The following SLC9A9 variants were observed in gnomAD, a reference collection of about 807,000 sequenced individuals.
SLC9A9 encodes the protein solute carrier family 9 member A9.
Under a neutral mutation model 77.8 loss-of-function variants are expected in SLC9A9, and 62 were observed. The ratio of observed to expected loss-of-function variants is 0.80; its 90% CI spans 0.65 to 0.98. SLC9A9 has a LOEUF of 0.98. SLC9A9 is among the 50% of genes least tolerant of loss of function. SLC9A9 has a pLI of 0.00. For synonymous variants in SLC9A9, 320 were observed against 283.5 expected (o/e 1.13, Z -1.29); for missense variants, 775 against 774.9 (o/e 1.00, Z 0.00).
chr3:143,844,575 A>G (rs540680436), intron 1 of SLC9A9, among the ~76,000 whole-genome samples: 2 of 152,356 alleles, frequency 1.3e-5, no homozygotes, highest in South Asian at 4.1e-4. Context: ...GATAAGCATT[A>G]GGTGCAGGTC....
At chr3:143,573,238 A>C (rs941962731) in intron 8 of SLC9A9, among the ~76,000 whole-genome samples, 2 of 152,204 alleles carry the variant, frequency 1.3e-5, no homozygotes, top group African/African-American at 2.4e-5. Context: ...CGAGGGAGGT[A>C]TACCTTGCTA....
intron 12 of SLC9A9, among the ~76,000 whole-genome samples, chr3:143,434,230 T>C (rs2034579046): frequency 6.6e-6 from 1 of 152,246 alleles, no homozygotes; most frequent in Admixed American, 6.5e-5. Flanking sequence ...CAGTTCTGTC[T>C]GCAAATATAT....
At chr3:143,559,497 C>T (rs969873319) in intron 8 of SLC9A9, among the ~76,000 whole-genome samples, 5 of 151,850 alleles carry the variant, frequency 3.3e-5, no homozygotes, top group African/African-American at 7.3e-5. Flanking sequence ...ATTCTGAAGG[C>T]CTGTCATTTT....
intron 12 of SLC9A9, among the ~76,000 whole-genome samples, chr3:143,450,069 TATATA>T (rs2034974642): frequency 9.9e-6 from 1 of 100,608 alleles, no homozygotes; most frequent in Non-Finnish European, 1.9e-5. Context: ...ATAATATGTA[TATATA>T]ATATAACATA....
rs753240362 is a variant in SLC9A9 at position 143,374,737 on chromosome 3, TG to T, written c.1524+7322del. On this transcript the variant is annotated intron_variant, in intron 13 of 15. Coordinates refer to ENST00000316549, the MANE Select transcript of SLC9A9 (RefSeq NM_173653.4). ...TGTGAAATAAGCACATTATGGAAAA[TG>T]GGGTATCCATCCTCTTACATTTATC... Among the ~76,000 whole-genome samples, 16 of 152,228 alleles carry T rather than the reference TG, an allele frequency of 1.1e-4. No individual in the cohort carries two copies. In the East Asian group the frequency reaches 1.7e-3, roughly 17 times the overall value.
At chr3:143,515,169 A>G (rs1367805204) in intron 9 of SLC9A9, among the ~76,000 whole-genome samples, 6 of 152,226 alleles carry the variant, frequency 3.9e-5, no homozygotes. Flanking sequence ...TGGTGGAGCA[A>G]TCAAAACACA....
chr3:143,288,272 C>A (rs369939863), intron 14 of SLC9A9, among the ~76,000 whole-genome samples: 6 of 148,878 alleles, frequency 4.0e-5, no homozygotes, highest in Middle Eastern at 3.5e-3. Flanking sequence ...AAAAAAAAAA[C>A]AAAACAAAAC....
At chr3:143,302,685 C>T (rs1198380050) in intron 14 of SLC9A9, among the ~76,000 whole-genome samples, 1 of 152,108 alleles carries the variant, frequency 6.6e-6, no homozygotes, top group Non-Finnish European at 1.5e-5. Flanking sequence ...AAGGACAGAT[C>T]CTCCAACCAG....
At chr3:143,545,596 A>T (rs1394493616) in intron 9 of SLC9A9, among the ~76,000 whole-genome samples, 1 of 152,188 alleles carries the variant, frequency 6.6e-6, no homozygotes, top group Non-Finnish European at 1.5e-5. Context: ...TGAGATGCTG[A>T]GTTGTAGCAA....
At chr3:143,770,017 T>C (rs2108839196) in intron 4 of SLC9A9, among the ~76,000 whole-genome samples, 1 of 152,316 alleles carries the variant, frequency 6.6e-6, no homozygotes, top group East Asian at 1.9e-4. Context: ...TGACTAATTC[T>C]CTCATGTTGA....
intron 12 of SLC9A9, among the ~76,000 whole-genome samples, chr3:143,402,630 A>T (rs1276201202): frequency 6.6e-6 from 1 of 151,816 alleles, no homozygotes; most frequent in Non-Finnish European, 1.5e-5. Flanking sequence ...TCATCTCTCC[A>T]TATGTCATAA....
chr3:143,556,739 C>G (rs2036989574), intron 8 of SLC9A9, among the ~76,000 whole-genome samples: 1 of 152,208 alleles, frequency 6.6e-6, no homozygotes, highest in Non-Finnish European at 1.5e-5. Flanking sequence ...TGTCAATAGC[C>G]AGATCGTTTT....
rs572868269 is a variant in SLC9A9 at position 143,292,486 on chromosome 3, A to G, written c.1605-23506T>C. ...CCAAATCGGCCTAGATTCAGAGCCC[A>G]TGTTTTTTTCGCGATGTCCTATATC... On this transcript the variant is annotated intron_variant, in intron 14 of 15. Transcript: ENST00000316549. 9.9e-5 allele frequency among the ~76,000 whole-genome samples: 15 copies of G among 152,198 alleles called. No homozygotes were observed. The East Asian group carries it at 2.9e-3, about 29-fold the overall frequency.
chr3:143,772,022 A>ATGTGTGTG (rs55750613), intron 4 of SLC9A9, among the ~76,000 whole-genome samples: 31,430 of 141,442 alleles, frequency 0.22, 3,660 homozygotes, highest in Non-Finnish European at 0.26. Context: ...CATCCCCAGA[A>ATGTGTGTG]TGTGTGTGTG....
rs16854273 is a variant in SLC9A9, at chr3:143,774,913, C to T, written c.533+20088G>A. Among the ~76,000 whole-genome samples, 1,274 of 152,238 alleles carry T rather than the reference C, an allele frequency of 8.4e-3. 19 individuals are homozygous for T. The highest frequency in any genetic ancestry group is 0.029 in the African/African-American group (1,191 of 41,528). On this transcript the variant is annotated intron_variant, in intron 4 of 15. Coordinates refer to ENST00000316549, the MANE Select transcript of SLC9A9 (RefSeq NM_173653.4). ...CCTCCTCCGTTCATTTTCTCCTCAG[C>T]TTTTCTGGCTTCTCTAATCCCACAG...
chr3:143,367,657 G>A (rs534309460), intron 13 of SLC9A9, among the ~76,000 whole-genome samples: 1 of 152,306 alleles, frequency 6.6e-6, no homozygotes, highest in South Asian at 2.1e-4. Flanking sequence ...GCAGCACAGA[G>A]AGCCAGCCCA....
chr3:143,667,891 T>C (rs544963092), intron 5 of SLC9A9, among the ~76,000 whole-genome samples: 1 of 152,294 alleles, frequency 6.6e-6, no homozygotes, highest in African/African-American at 2.4e-5. Flanking sequence ...GGTGGGAGTG[T>C]AAACTAGTTC....
rs116212685 is a variant in SLC9A9 at position 143,465,733 on chromosome 3, T to C, written c.1469+1304A>G. Reference sequence around the variant, plus strand: ...ACAGTTCACAGGAGACTCAGTGTTATAGAGTTTAATGCAATCTGTGTACTC... The same window carrying C: ...ACAGTTCACAGGAGACTCAGTGTTACAGAGTTTAATGCAATCTGTGTACTC... On this transcript the variant is annotated intron_variant, in intron 12 of 15. Coordinates refer to ENST00000316549, the MANE Select transcript of SLC9A9 (RefSeq NM_173653.4). Among the ~76,000 whole-genome samples, 417 of 152,346 alleles carry C rather than the reference T, an allele frequency of 2.7e-3. 1 individual carries two copies. The highest frequency in any genetic ancestry group is 9.8e-3 in the African/African-American group (406 of 41,582).
At chr3:143,842,423 A>G (rs990629438) in intron 1 of SLC9A9, among the ~76,000 whole-genome samples, 13 of 152,182 alleles carry the variant, frequency 8.5e-5, no homozygotes, top group Admixed American at 6.5e-5. Context: ...AAACATAAAA[A>G]AACATACAGA....
Sources: allele counts gnomAD v4.1 joint callset (sites outside exome capture counted in the v4.1 genomes callset), GRCh38; gene constraint gnomAD v4.1.1; transcripts MANE v1.5; gene names NCBI Gene and HGNC (gene_info 2026-07-23, HGNC 2026-07-21).